The following NPTN variants were observed in gnomAD, a reference collection of about 807,000 sequenced individuals.
The protein encoded by NPTN is SDR-1.
A neutral mutation model predicts 42.7 loss-of-function variants in NPTN; 5 were observed. That is an observed-to-expected ratio of 0.12 (90% CI 0.06 to 0.25). NPTN has a LOEUF of 0.25. NPTN is among the 10% of genes least tolerant of loss of function. The probability of loss-of-function intolerance (pLI) is 1.00; values close to 1 mark genes in which losing one functional copy is unlikely to be tolerated. For missense variants in NPTN, 307 were observed against 525.4 expected (o/e 0.58, Z 4.06); for synonymous variants, 180 against 201.9 (o/e 0.89, Z 0.92).
At chr15:73,585,502 C>A (rs138996120) in intron 4 of NPTN, among the ~76,000 whole-genome samples, 1 of 152,192 alleles carries the variant, frequency 6.6e-6, no homozygotes, top group East Asian at 1.9e-4. Context: ...TATGGCAAAC[C>A]TTTTAAAACT....
chr15:73,631,628 T>C (rs1480499502), intron 1 of NPTN, among the ~76,000 whole-genome samples: 1 of 152,198 alleles, frequency 6.6e-6, no homozygotes, highest in East Asian at 1.9e-4. Context: ...AATTGCAGCC[T>C]CTCTAATAAG....
intron 1 of NPTN, among the ~76,000 whole-genome samples, chr15:73,615,323 AG>A (rs1897812190): frequency 6.6e-6 from 1 of 152,186 alleles, no homozygotes; most frequent in Admixed American, 6.5e-5. Flanking sequence ...TTATAACAGC[AG>A]CTAGCCTTTA....
chr15:73,628,455 T>C (rs1898546107), intron 1 of NPTN, among the ~76,000 whole-genome samples: 1 of 152,252 alleles, frequency 6.6e-6, no homozygotes, highest in South Asian at 2.1e-4. Flanking sequence ...AATTCACTTT[T>C]CCAAAACTAC....
chr15:73,560,050 A>C lies in NPTN; in HGVS notation c.*1013T>G. The C allele has an allele frequency of 1.2e-6, 1 of 814,782 alleles. No homozygotes were observed. The highest frequency in any genetic ancestry group is 1.8e-6 in the Non-Finnish European group (1 of 556,272). 50.5% of individuals were successfully genotyped at this position (814,782 alleles called of 1,614,324 possible). ...AATGTTTTATTTTTAAAAACAGGTG[A>C]ATCCACTTTTTTATACATCATTGCA... On this transcript the variant is annotated 3_prime_UTR_variant, in exon 9 of 9. Coordinates refer to ENST00000345330, the MANE Select transcript of NPTN (RefSeq NM_012428.4).
At chr15:73,631,175 GATT>G (rs1261629699) in intron 1 of NPTN, among the ~76,000 whole-genome samples, 1 of 152,170 alleles carries the variant, frequency 6.6e-6, no homozygotes, top group Non-Finnish European at 1.5e-5. Context: ...AGCCAGCAGA[GATT>G]AAACATGTTA....
chr15:73,605,450 C>T (rs964754600), intron 1 of NPTN, among the ~76,000 whole-genome samples: 10 of 151,816 alleles, frequency 6.6e-5, no homozygotes, highest in Admixed American at 2.0e-4. Flanking sequence ...AAATGTAGGT[C>T]GGGTGCGGTG....
At position 73,569,827 on chromosome 15, in the gene NPTN, G is replaced by A. The variant is rs1895259850; in HGVS notation, c.1114+323C>T. Reference sequence around the variant, plus strand: ...ATGATCTGTATTGAAGGAGGACAGAGCTGAACAAAGAGACTGACAGCTGCC... The same window carrying A: ...ATGATCTGTATTGAAGGAGGACAGAACTGAACAAAGAGACTGACAGCTGCC... On this transcript the variant is annotated intron_variant, in intron 6 of 8. Coordinates refer to ENST00000345330, the MANE Select transcript of NPTN (RefSeq NM_012428.4). The surrounding 1 kb of genome is among the most constrained non-coding windows in gnomAD (Gnocchi z 4.1). 2.0e-6 allele frequency: 2 copies of A among 985,092 alleles called. No homozygotes were observed. The highest frequency in any genetic ancestry group is 1.7e-5 in the African/African-American group (1 of 57,230). The allele number at this position is 985,092 out of a possible 1,614,324, so 61.0% of individuals were successfully genotyped here.
At chr15:73,589,799 T>C (rs960727701) in intron 3 of NPTN, among the ~76,000 whole-genome samples, 1 of 88,968 alleles carries the variant, frequency 1.1e-5, no homozygotes, top group Non-Finnish European at 2.4e-5. Context: ...GGCGGCACAA[T>C]ATTCTGTGAG....
chr15:73,628,102 T>A (rs1454956592), intron 1 of NPTN, among the ~76,000 whole-genome samples: 1 of 152,218 alleles, frequency 6.6e-6, no homozygotes, highest in Admixed American at 6.5e-5. Context: ...ATTTTAAAAA[T>A]TTGTATAAAA....
intron 1 of NPTN, among the ~76,000 whole-genome samples, chr15:73,599,916 T>C (rs558187562): frequency 3.9e-5 from 6 of 152,370 alleles, no homozygotes; most frequent in African/African-American, 1.4e-4. Context: ...ACTTTTTCCC[T>C]TCTTCTGTAT....
chr15:73,586,636 T>C (rs1896333523), intron 4 of NPTN, among the ~76,000 whole-genome samples: 1 of 150,746 alleles, frequency 6.6e-6, no homozygotes, highest in South Asian at 2.1e-4. Flanking sequence ...ATACGGGCCC[T>C]TCCTTCTCCT....
chr15:73,621,889 T>C (rs1333566782), intron 1 of NPTN, among the ~76,000 whole-genome samples: 4 of 152,290 alleles, frequency 2.6e-5, no homozygotes, highest in African/African-American at 9.6e-5. Context: ...CTTATTCTTA[T>C]AGGCACCACT....
chr15:73,592,867 AT>A (rs1364279657), intron 2 of NPTN, among the ~76,000 whole-genome samples: 3 of 152,192 alleles, frequency 2.0e-5, no homozygotes, highest in Non-Finnish European at 4.4e-5. Context: ...TGTTGGTATT[AT>A]GGGCTCCCAG....
chr15:73,576,622 C>A (rs1410335834), intron 4 of NPTN, among the ~76,000 whole-genome samples: 1 of 152,164 alleles, frequency 6.6e-6, no homozygotes, highest in Non-Finnish European at 1.5e-5. Flanking sequence ...AGCCACTGCG[C>A]CTGGCTAAGA....
At chr15:73,584,374 T>A (rs1334576033) in intron 4 of NPTN, among the ~76,000 whole-genome samples, 1 of 152,178 alleles carries the variant, frequency 6.6e-6, no homozygotes, top group African/African-American at 2.4e-5. Context: ...TTTAATTTGC[T>A]TTTTTGTGAG....
intron 1 of NPTN, among the ~76,000 whole-genome samples, chr15:73,606,266 T>C (rs1897289995): frequency 6.6e-6 from 1 of 152,104 alleles, no homozygotes; most frequent in Non-Finnish European, 1.5e-5. Context: ...GACTTTGACA[T>C]CAAAATGACC....
At chr15:73,609,240 G>A (rs1897440004) in intron 1 of NPTN, among the ~76,000 whole-genome samples, 1 of 152,130 alleles carries the variant, frequency 6.6e-6, no homozygotes, top group Non-Finnish European at 1.5e-5. Context: ...AAAACTCCAT[G>A]TCAATGACTC....
chr15:73,611,921 A>G, intron 1 of NPTN, among the ~76,000 whole-genome samples: 1 of 152,220 alleles, frequency 6.6e-6, no homozygotes, highest in Non-Finnish European at 1.5e-5. Context: ...CTAAAAATGC[A>G]GTCGATTTTT....
intron 5 of NPTN, 42 bp downstream of exon 5, chr15:73,573,620 A>G: frequency 6.6e-7 from 1 of 1,524,600 alleles, no homozygotes; most frequent in Non-Finnish European, 8.8e-7. Context: ...CTCTGCAGGG[A>G]AAACTCCAGC....
Sources: allele counts gnomAD v4.1 joint callset (sites outside exome capture counted in the v4.1 genomes callset), GRCh38; gene constraint gnomAD v4.1.1; non-coding constraint Gnocchi (gnomAD v3.1); transcripts MANE v1.5; gene names NCBI Gene and HGNC (gene_info 2026-07-23, HGNC 2026-07-21).